SBF2: variants seen among roughly 807,000 people sequenced by gnomAD.
SBF2 encodes SET binding factor 2.
Under a neutral mutation model 225.2 loss-of-function variants are expected in SBF2, and 112 were observed. The ratio of observed to expected loss-of-function variants is 0.50; its 90% CI spans 0.43 to 0.58. The LOEUF (loss-of-function observed/expected upper bound fraction) is 0.58. SBF2 is among the 20% of genes least tolerant of loss of function. The probability of loss-of-function intolerance (pLI) is 0.00; values close to 1 mark genes in which losing one functional copy is unlikely to be tolerated. For synonymous variants in SBF2, 763 were observed against 773.3 expected (o/e 0.99, Z 0.22); for missense variants, 1,996 against 2,206.2 (o/e 0.90, Z 1.91).
chr11:10,243,834 G>A (rs1959481089), intron 1 of SBF2, among the ~76,000 whole-genome samples: 1 of 152,070 alleles, frequency 6.6e-6, no homozygotes, highest in South Asian at 2.1e-4. Flanking sequence ...AAAAGGTCAA[G>A]ACCAGATGAC....
At chr11:10,168,017 C>CAAAACAA (rs1565308367) in intron 2 of SBF2, among the ~76,000 whole-genome samples, 1 of 152,136 alleles carries the variant, frequency 6.6e-6, no homozygotes, top group Non-Finnish European at 1.5e-5. Context: ...GACTCTGTCT[C>CAAAACAA]AAAACAAAAA....
intron 37 of SBF2, chr11:9,784,855 A>G (rs1439329044): frequency 3.7e-6 from 2 of 536,626 alleles, no homozygotes; most frequent in African/African-American, 3.8e-5. Flanking sequence ...TGGCTGACAC[A>G]TGTTCCCTCA....
At chr11:9,930,518 A>C (rs766528720) in intron 16 of SBF2, among the ~76,000 whole-genome samples, 14 of 152,206 alleles carry the variant, frequency 9.2e-5, no homozygotes, top group Admixed American at 9.2e-4. Context: ...TTTCTTGTAC[A>C]AAAGAGTACA....
chr11:10,159,684 C>T (rs1000354207), intron 2 of SBF2, among the ~76,000 whole-genome samples: 1 of 152,124 alleles, frequency 6.6e-6, no homozygotes, highest in Admixed American at 6.5e-5. Flanking sequence ...AGGTGGATCA[C>T]GAGGTCAGGA....
intron 2 of SBF2, among the ~76,000 whole-genome samples, chr11:10,183,954 A>G (rs1404696184): frequency 1.3e-5 from 2 of 152,176 alleles, no homozygotes; most frequent in Non-Finnish European, 2.9e-5. Flanking sequence ...GGTTAACAAT[A>G]ATTTAGTGTA....
At chr11:10,280,403 C>T (rs1354867873) in intron 1 of SBF2, among the ~76,000 whole-genome samples, 1 of 152,144 alleles carries the variant, frequency 6.6e-6, no homozygotes, top group Non-Finnish European at 1.5e-5. Flanking sequence ...CATTGATTTC[C>T]ACTCTTCTAC....
At chr11:9,847,152 A>C in intron 22 of SBF2, 69 bp from the exon 23 acceptor site, 1 of 1,569,532 alleles carries the variant, frequency 6.4e-7, no homozygotes, top group Non-Finnish European at 8.8e-7. Flanking sequence ...TCTACTGCTT[A>C]CTTCATCAGT....
chr11:10,040,580 G>T (rs913464297), intron 3 of SBF2, among the ~76,000 whole-genome samples: 1 of 151,796 alleles, frequency 6.6e-6, no homozygotes, highest in Non-Finnish European at 1.5e-5. Context: ...GGATGGGGGG[G>T]TGCTATAAAG....
chr11:9,886,348 A>AT (rs1169991744), intron 17 of SBF2, among the ~76,000 whole-genome samples: 1 of 151,608 alleles, frequency 6.6e-6, no homozygotes, highest in Non-Finnish European at 1.5e-5. Flanking sequence ...TATTCCATAG[A>AT]TTTTTTTTCC....
At chr11:9,963,282 T>A (rs1181445197) in intron 15 of SBF2, among the ~76,000 whole-genome samples, 2 of 152,038 alleles carry the variant, frequency 1.3e-5, no homozygotes, top group Non-Finnish European at 2.9e-5. Flanking sequence ...CTGGCCAACA[T>A]GGTGAAACCC....
intron 2 of SBF2, among the ~76,000 whole-genome samples, chr11:10,155,743 G>A (rs1021628728): frequency 1.3e-5 from 2 of 152,086 alleles, no homozygotes; most frequent in African/African-American, 4.8e-5. Flanking sequence ...AAGCCTACTG[G>A]TATTTTCACA....
At chr11:10,236,542 C>T (rs1054352161) in intron 1 of SBF2, among the ~76,000 whole-genome samples, 5 of 152,294 alleles carry the variant, frequency 3.3e-5, no homozygotes, top group African/African-American at 1.2e-4. Flanking sequence ...TCGCTGCAAC[C>T]TCCGCCTCCT....
chr11:9,963,284 G>A (rs1393114490), intron 15 of SBF2, among the ~76,000 whole-genome samples: 1 of 152,060 alleles, frequency 6.6e-6, no homozygotes, highest in Non-Finnish European at 1.5e-5. Context: ...GGCCAACATG[G>A]TGAAACCCCA....
intron 2 of SBF2, among the ~76,000 whole-genome samples, chr11:10,186,223 G>A (rs1197200185): frequency 2.0e-5 from 3 of 152,192 alleles, no homozygotes; most frequent in South Asian, 4.1e-4. Context: ...TCTCTCAGGT[G>A]TACCACTTTC....
chr11:9,870,386 T>G (rs1203956901), intron 17 of SBF2, among the ~76,000 whole-genome samples: 2 of 152,086 alleles, frequency 1.3e-5, no homozygotes, highest in Non-Finnish European at 2.9e-5. Context: ...AAAAAGAGCC[T>G]GAATAGCTAA....
rs1219379900 is a variant in SBF2 at position 10,129,399 on chromosome 11, G to A, written c.141+64503C>T. 7.2e-5 allele frequency among the ~76,000 whole-genome samples: 11 copies of A among 152,008 alleles called. 1 individual carries two copies. The highest frequency in any genetic ancestry group is 1.2e-4 in the Non-Finnish European group (8 of 67,988). On this transcript the variant is annotated intron_variant, in intron 2 of 39. Coordinates refer to ENST00000256190, the MANE Select transcript of SBF2 (RefSeq NM_030962.4). ...ATTACAGGCATGAGCCACCGCGCCC[G>A]GCCAATTTTCTCTCCTTTCTTCAAA...
At chr11:9,822,643 G>A (rs1854834149) in intron 28 of SBF2, among the ~76,000 whole-genome samples, 1 of 152,162 alleles carries the variant, frequency 6.6e-6, no homozygotes, top group South Asian at 2.1e-4. Context: ...GACTGCTTCA[G>A]GGAAGATATG....
chr11:10,083,399 G>T lies in SBF2; in HGVS notation c.142-40418C>A, dbSNP rs562764614. 3.9e-5 allele frequency among the ~76,000 whole-genome samples: 6 copies of T among 152,212 alleles called. No homozygotes were observed. The East Asian group carries it at 1.2e-3, about 29-fold the overall frequency. ...AAAAAATAATCCTAAAATTCACATG[G>T]AATCAAGGGAGAGCTGAAATAGCCA... is the stretch of plus-strand genomic sequence containing the variant. On this transcript the variant is annotated intron_variant, in intron 2 of 39. Transcript: ENST00000256190.
rs550315061 is a variant in SBF2 at position 10,168,303 on chromosome 11, T to C, written c.141+25599A>G. Among the ~76,000 whole-genome samples the C allele has an allele frequency of 4.6e-5, 7 of 152,200 alleles. 1 individual carries two copies. The highest frequency in any genetic ancestry group is 3.3e-4 in the Admixed American group (5 of 15,286). ...CATTGCTAAATATTCAAAAAGGCTA[T>C]AAATTTTAAAGTAATATTCTGCATA... On this transcript the variant is annotated intron_variant, in intron 2 of 39. Coordinates refer to ENST00000256190, the MANE Select transcript of SBF2 (RefSeq NM_030962.4).
Sources: gnomAD v4.1 joint callset for allele counts (sites outside exome capture counted in the v4.1 genomes callset) on GRCh38, gnomAD v4.1.1 for gene constraint, MANE v1.5 for transcripts, NCBI Gene and HGNC (gene_info 2026-07-23, HGNC 2026-07-21) for gene names.